TPMT: variants seen among roughly 807,000 people sequenced by gnomAD.
TPMT encodes the protein thiopurine S-methyltransferase.
A neutral mutation model predicts 34.2 loss-of-function variants in TPMT; 18 were observed. The observed-to-expected ratio is 0.53, with a 90% CI of 0.36 to 0.78. TPMT has a LOEUF of 0.78. Ranked by LOEUF, TPMT falls within the 30% of genes least tolerant of loss-of-function variation. The pLI, the probability that TPMT is intolerant of heterozygous loss-of-function variation, is 0.00. For synonymous variants in TPMT, 69 were observed against 92.4 expected (o/e 0.75, Z 1.45); for missense variants, 265 against 288.1 (o/e 0.92, Z 0.58).
intron 6 of TPMT, 86 bp from the exon 7 acceptor site, chr6:18,133,975 G>A (rs1783995467): frequency 7.5e-6 from 8 of 1,063,918 alleles, no homozygotes; most frequent in Non-Finnish European, 1.2e-5. Context: ...GAAGCCAGAA[G>A]TTACTTTCGC....
intron 6 of TPMT, among the ~76,000 whole-genome samples, chr6:18,137,683 T>G (rs1438081989): frequency 1.5e-5 from 1 of 66,298 alleles, no homozygotes; most frequent in Non-Finnish European, 3.3e-5. Context: ...ATTTATACAG[T>G]TCTTTAGAGA....
At chr6:18,151,933 A>G (rs1465894400) in intron 1 of TPMT, among the ~76,000 whole-genome samples, 1 of 152,198 alleles carries the variant, frequency 6.6e-6, no homozygotes, top group Non-Finnish European at 1.5e-5. Flanking sequence ...CGTTTCCTGT[A>G]TACTCCCATG....
In TPMT at chr6:18,146,471, G is replaced by A. The variant is rs1028834754; in HGVS notation, c.233+1352C>T. ...CACCTAATTAAAGGTGTGAGCCACC[G>A]CACCTGGCCAGTTCTGATATTTTTT... On this transcript the variant is annotated intron_variant, in intron 3 of 8. Coordinates refer to ENST00000309983, the MANE Select transcript of TPMT (RefSeq NM_000367.5). The surrounding 1 kb of genome is among the most constrained non-coding windows in gnomAD (Gnocchi z 6.2). Among the ~76,000 whole-genome samples the A allele has an allele frequency of 6.6e-6, 1 of 151,998 alleles. No homozygotes were observed. Among genetic ancestry groups the A allele is most frequent in the Non-Finnish European group, 1.5e-5 (1 of 68,004 alleles).
In TPMT at chr6:18,153,934, T is replaced by C. The variant is rs1057199402; in HGVS notation, c.-45+1099A>G. ...ATAACTTAATCATGTCTTAGTTGTTTGTTTTTGAGACAGGGTCTCTCTCTA... is the reference window on the plus strand; with the variant it reads ...ATAACTTAATCATGTCTTAGTTGTTCGTTTTTGAGACAGGGTCTCTCTCTA... On this transcript the variant is annotated intron_variant, in intron 1 of 8. Transcript: ENST00000309983. The surrounding 1 kb of genome is among the most constrained non-coding windows in gnomAD (Gnocchi z 4.2). Among the ~76,000 whole-genome samples, 3 of 152,234 alleles carry C rather than the reference T, an allele frequency of 2.0e-5. No individual in the cohort carries two copies. The highest frequency in any genetic ancestry group is 7.2e-5 in the African/African-American group (3 of 41,456).
rs1194090160 is a variant in TPMT at position 18,139,143 on chromosome 6, T to TCC, written c.420-107_420-106insGG. On this transcript the variant is annotated intron_variant, in intron 5 of 8. Transcript: ENST00000309983. The surrounding 1 kb of genome is among the most constrained non-coding windows in gnomAD (Gnocchi z 4.2). Reference sequence around the variant, plus strand: ...TGGTACTTCAACAATCGTCAAGGTATTAGGATCTCACGTCTGCGTTTCCTC... The same window carrying TCC: ...TGGTACTTCAACAATCGTCAAGGTATCCTAGGATCTCACGTCTGCGTTTCCTC... 4.9e-6 allele frequency: 5 copies of TCC among 1,022,842 alleles called. No individual in the cohort carries two copies. Among genetic ancestry groups the TCC allele is most frequent in the Non-Finnish European group, 7.8e-6 (5 of 643,604 alleles). The allele number at this position is 1,022,842 out of a possible 1,614,324, so 63.4% of individuals were successfully genotyped here.
rs139270550 is a variant in TPMT, at chr6:18,143,160, C to A, written c.366+436G>T. 2.0e-3 allele frequency among the ~76,000 whole-genome samples: 305 copies of A among 152,280 alleles called. No individual in the cohort carries two copies. Among genetic ancestry groups the A allele is most frequent in the African/African-American group, 7.1e-3 (295 of 41,546 alleles). ...GTAACTCCCATCTCTTCCCTTAATA[C>A]CCTGTGTCTTTACACTTAGCTCCAT... On this transcript the variant is annotated intron_variant, in intron 4 of 8. Transcript: ENST00000309983. The surrounding 1 kb of genome is among the most constrained non-coding windows in gnomAD (Gnocchi z 6.1).
In TPMT at chr6:18,152,841, T is replaced by C. The variant is rs142878661; in HGVS notation, c.-45+2192A>G. Reference sequence around the variant, plus strand: ...CTTTCAAAAGATTCTACCACTGATATCAACCAACCCCCTGATGCTGCCCCT... The same window carrying C: ...CTTTCAAAAGATTCTACCACTGATACCAACCAACCCCCTGATGCTGCCCCT... On this transcript the variant is annotated intron_variant, in intron 1 of 8. Transcript: ENST00000309983. Among the ~76,000 whole-genome samples the C allele has an allele frequency of 6.6e-5, 10 of 152,260 alleles. No individual in the cohort carries two copies. The East Asian group carries it at 9.7e-4, about 15-fold the overall frequency.
chr6:18,136,973 AAGG>A lies in TPMT; in HGVS notation c.494+1987_494+1989del. The stretch of plus-strand genomic sequence containing the variant: ...GGATGGGAGTTCTGGAAAAGAGATA[AAGG>A]AGGAGCAGTGAGAAAAAGAGGGAAA... On this transcript the variant is annotated intron_variant, in intron 6 of 8. Coordinates refer to ENST00000309983, the MANE Select transcript of TPMT (RefSeq NM_000367.5). The surrounding 1 kb of genome is among the most constrained non-coding windows in gnomAD (Gnocchi z 4.7). 6.6e-6 allele frequency among the ~76,000 whole-genome samples: 1 copy of A among 152,272 alleles called. No individual in the cohort carries two copies. The highest frequency in any genetic ancestry group is 3.4e-3 in the Middle Eastern group (1 of 294).
Position 18,129,809 on chromosome 6 carries a change from ATTGT to A in TPMT, c.*855_*858del, listed in dbSNP as rs1299303766. On this transcript the variant is annotated 3_prime_UTR_variant, in exon 9 of 9. Transcript: ENST00000309983. ...TATTTGTTTCTTGATTCTGTTACAG[ATTGT>A]TTAATTAAAATTTGTTTCTTGATTC... The A allele has an allele frequency of 1.4e-4, 22 of 152,320 alleles. No individual in the cohort carries two copies. Among genetic ancestry groups the A allele is most frequent in the African/African-American group, 4.8e-4 (20 of 41,578 alleles). The allele number at this position is 152,320 out of a possible 1,614,324, so 9.4% of individuals were successfully genotyped here. A position where few individuals can be genotyped will look rare whatever the true frequency, so the allele number is the denominator to read the frequency against.
rs1784295299 is a variant in TPMT, at chr6:18,148,771, T to G, written c.140+217A>C. Reference sequence around the variant, plus strand: ...TTTATAAATCTAAGATGTCATCATTTGTAAGCCACACCATTATTTACACAC... The same window carrying G: ...TTTATAAATCTAAGATGTCATCATTGGTAAGCCACACCATTATTTACACAC... On this transcript the variant is annotated intron_variant, in intron 2 of 8. Transcript: ENST00000309983. This position sits in a 1 kb window ranked among gnomAD's most constrained non-coding sequence, Gnocchi z 4.1. Among the ~76,000 whole-genome samples the G allele has an allele frequency of 6.6e-6, 1 of 152,216 alleles. No individual in the cohort carries two copies. The highest frequency in any genetic ancestry group is 1.5e-5 in the Non-Finnish European group (1 of 68,036).
rs768958976 is a variant in TPMT, at chr6:18,143,540, T to A, written c.366+56A>T. The A allele has an allele frequency of 5.6e-6, 9 of 1,608,412 alleles. No individual in the cohort carries two copies. Among genetic ancestry groups the A allele is most frequent in the Non-Finnish European group, 7.6e-6 (9 of 1,177,552 alleles). Reference sequence around the variant, plus strand: ...AATGGTATCCTCATAATACTCACACTGAGAAAAACTTTTGTGGGGATATGG... The same window carrying A: ...AATGGTATCCTCATAATACTCACACAGAGAAAAACTTTTGTGGGGATATGG... On this transcript the variant is annotated intron_variant, in intron 4 of 8. Transcript: ENST00000309983. The surrounding 1 kb of genome is among the most constrained non-coding windows in gnomAD (Gnocchi z 6.1).
Position 18,150,966 on chromosome 6 carries a change from G to A in TPMT, c.-44-1795C>T, listed in dbSNP as rs988527581. On this transcript the variant is annotated intron_variant, in intron 1 of 8. Coordinates refer to ENST00000309983, the MANE Select transcript of TPMT (RefSeq NM_000367.5). The surrounding 1 kb of genome is among the most constrained non-coding windows in gnomAD (Gnocchi z 5.3). Reference sequence around the variant, plus strand: ...TGGCCTCATGTGATTCACCAGCCTCGGCTTCCCAAAGTGCTGGGATTCCAG... The same window carrying A: ...TGGCCTCATGTGATTCACCAGCCTCAGCTTCCCAAAGTGCTGGGATTCCAG... Among the ~76,000 whole-genome samples the A allele has an allele frequency of 3.9e-5, 6 of 152,074 alleles. No homozygotes were observed. The highest frequency in any genetic ancestry group is 5.9e-5 in the Non-Finnish European group (4 of 67,998).
At chr6:18,133,403 T>G (rs1241945881) in intron 7 of TPMT, among the ~76,000 whole-genome samples, 1 of 152,240 alleles carries the variant, frequency 6.6e-6, no homozygotes, top group Non-Finnish European at 1.5e-5. Context: ...CCATATTCAC[T>G]TCTCACCCCG....
Position 18,150,231 on chromosome 6 carries a change from C to A in TPMT, c.-44-1060G>T, listed in dbSNP as rs184727052. On this transcript the variant is annotated intron_variant, in intron 1 of 8. Transcript: ENST00000309983. This position sits in a 1 kb window ranked among gnomAD's most constrained non-coding sequence, Gnocchi z 5.3. ...TGCACATTTATTATAAAGGATACTGCGAAGAATATACTTGAAGAGATGTGT... is the reference window on the plus strand; with the variant it reads ...TGCACATTTATTATAAAGGATACTGAGAAGAATATACTTGAAGAGATGTGT... 2.0e-5 allele frequency among the ~76,000 whole-genome samples: 3 copies of A among 152,296 alleles called. No homozygotes were observed. The highest frequency in any genetic ancestry group is 4.1e-4 in the South Asian group (2 of 4,828).
rs939607187 is a variant in TPMT at position 18,146,362 on chromosome 6, G to A, written c.233+1461C>T. ...TTACAAGCGTACGCTGCCATGCCTG[G>A]CTAATTTTTGTATTTTTAGTAGAGA... On this transcript the variant is annotated intron_variant, in intron 3 of 8. Transcript: ENST00000309983. The surrounding 1 kb of genome is among the most constrained non-coding windows in gnomAD (Gnocchi z 6.2). Among the ~76,000 whole-genome samples the A allele has an allele frequency of 6.6e-5, 10 of 151,996 alleles. No homozygotes were observed. The highest frequency in any genetic ancestry group is 2.2e-4 in the African/African-American group (9 of 41,384).
In TPMT at chr6:18,135,378, T is replaced by C. The variant is rs1262684586; in HGVS notation, c.495-1489A>G. On this transcript the variant is annotated intron_variant, in intron 6 of 8. Coordinates refer to ENST00000309983, the MANE Select transcript of TPMT (RefSeq NM_000367.5). This position sits in a 1 kb window ranked among gnomAD's most constrained non-coding sequence, Gnocchi z 5.0. The stretch of plus-strand genomic sequence containing the variant: ...ACCAGTCTCAAAAAGTCCAGAAAAA[T>C]GAGGTCTGCCCTACTGGTTTACATT... Among the ~76,000 whole-genome samples, 1 of 152,050 alleles carries C rather than the reference T, an allele frequency of 6.6e-6. No individual in the cohort carries two copies. Among genetic ancestry groups the C allele is most frequent in the Non-Finnish European group, 1.5e-5 (1 of 68,012 alleles).
rs375512207 is a variant in TPMT at position 18,131,502 on chromosome 6, C to T, written c.625+631G>A. On this transcript the variant is annotated intron_variant, in intron 8 of 8. Coordinates refer to ENST00000309983, the MANE Select transcript of TPMT (RefSeq NM_000367.5). The surrounding 1 kb of genome is among the most constrained non-coding windows in gnomAD (Gnocchi z 4.3). ...GGCTGAGGTGGGAGGATCACTTGTG[C>T]CCAGGGAGGTCGAGGCTGCAGTGAG... Among the ~76,000 whole-genome samples the T allele has an allele frequency of 6.1e-4, 93 of 152,060 alleles. 1 individual carries two copies. In the East Asian group the frequency reaches 6.6e-3, roughly 11 times the overall value.
intron 3 of TPMT, among the ~76,000 whole-genome samples, chr6:18,147,050 A>C (rs896995068): frequency 4.6e-5 from 7 of 151,892 alleles, no homozygotes; most frequent in Admixed American, 2.6e-4. Flanking sequence ...TTGGCCTCCC[A>C]AAGTGCTGGG....
In TPMT at chr6:18,139,099, C is replaced by T. The variant is rs1784094143; in HGVS notation, c.420-62G>A. On this transcript the variant is annotated intron_variant, in intron 5 of 8. Coordinates refer to ENST00000309983, the MANE Select transcript of TPMT (RefSeq NM_000367.5). This position sits in a 1 kb window ranked among gnomAD's most constrained non-coding sequence, Gnocchi z 4.2. The stretch of plus-strand genomic sequence containing the variant: ...ATCAAATCTTTAAGAAGATGAGCAG[C>T]GTCCCCCATGGTGCATGCTGGTACT... 8.5e-6 allele frequency: 12 copies of T among 1,415,974 alleles called. No individual in the cohort carries two copies. The highest frequency in any genetic ancestry group is 2.8e-5 in the African/African-American group (2 of 71,102). 87.7% of individuals were successfully genotyped at this position (1,415,974 alleles called of 1,614,324 possible). A position where few individuals can be genotyped will look rare whatever the true frequency, so the allele number is the denominator to read the frequency against.
Sources: allele counts gnomAD v4.1 joint callset (sites outside exome capture counted in the v4.1 genomes callset), GRCh38; gene constraint gnomAD v4.1.1; non-coding constraint Gnocchi (gnomAD v3.1); transcripts MANE v1.5; gene names NCBI Gene and HGNC (gene_info 2026-07-23, HGNC 2026-07-21).